The following ZNF710 variants were observed in gnomAD, a reference collection of about 807,000 sequenced individuals.
ZNF710 encodes the protein zinc finger protein 710.
ZNF710 carries 13 observed loss-of-function variants against 50.6 expected under a neutral mutation model. The observed-to-expected ratio is 0.26, with a 90% confidence interval of 0.17 to 0.41. The LOEUF is 0.41. ZNF710 is among the 10% of genes least tolerant of loss of function. ZNF710 has a pLI of 1.00. For missense variants in ZNF710, 721 were observed against 936.6 expected, an observed-to-expected ratio of 0.77 and a Z score of 3.01; for synonymous variants, 383 against 397.0, an observed-to-expected ratio of 0.96 and a Z score of 0.42.
At chr15:90,048,544 G>A (rs1337905762) in intron 1 of ZNF710, among the ~76,000 whole-genome samples, 2 of 152,186 alleles carry the variant, frequency 1.3e-5, no homozygotes, top group African/African-American at 4.8e-5. Context: ...ACGGGGCAGG[G>A]TGGGGGTCCC....
intron 1 of ZNF710, among the ~76,000 whole-genome samples, chr15:90,020,475 G>A (rs1193918252): frequency 2.5e-5 from 3 of 118,628 alleles, no homozygotes; most frequent in Non-Finnish European, 5.5e-5. Flanking sequence ...GTGGAGGCCC[G>A]AACTGCCTCC....
intron 1 of ZNF710, among the ~76,000 whole-genome samples, chr15:90,010,928 G>GTTTTTTTTT (rs11341248): frequency 2.5e-5 from 2 of 79,078 alleles, no homozygotes; most frequent in Admixed American, 1.5e-4. Flanking sequence ...TTGGTTTTTT[G>GTTTTTTTTT]TTTTTTTTTT....
intron 2 of ZNF710, among the ~76,000 whole-genome samples, chr15:90,072,401 T>G (rs1900419350): frequency 6.6e-6 from 1 of 152,200 alleles, no homozygotes; most frequent in Non-Finnish European, 1.5e-5. Context: ...GGATGAGAAC[T>G]ACAGGTGGCT....
chr15:90,065,305 G>A (rs1013372054), intron 1 of ZNF710, among the ~76,000 whole-genome samples: 4 of 152,316 alleles, frequency 2.6e-5, no homozygotes, highest in Non-Finnish European at 4.4e-5. Flanking sequence ...CCGTGGCCCT[G>A]GGAGAGGCTG....
intron 1 of ZNF710, among the ~76,000 whole-genome samples, chr15:90,037,064 A>T (rs572819154): frequency 6.6e-6 from 1 of 152,132 alleles, no homozygotes; most frequent in East Asian, 1.9e-4. Context: ...GGAGGACGGG[A>T]AGTGGGGCTG....
intron 1 of ZNF710, among the ~76,000 whole-genome samples, chr15:90,041,387 C>A (rs1193497037): frequency 6.6e-6 from 1 of 152,090 alleles, no homozygotes; most frequent in Non-Finnish European, 1.5e-5. Flanking sequence ...GGTGAGGTCT[C>A]ACTATATTGC....
intron 1 of ZNF710, among the ~76,000 whole-genome samples, chr15:90,031,403 C>T (rs1228059174): frequency 6.6e-6 from 1 of 152,194 alleles, no homozygotes; most frequent in African/African-American, 2.4e-5. Context: ...GAAGCAGAAT[C>T]TGCATTTTAG....
chr15:90,067,492 C>T lies in ZNF710; in HGVS notation c.355C>T (p.Gln119Ter). The T allele has an allele frequency of 6.2e-7, 1 of 1,613,564 alleles. No individual in the cohort carries two copies. Among genetic ancestry groups the T allele is most frequent in the Non-Finnish European group, 8.5e-7 (1 of 1,179,730 alleles). The part of the protein sequence containing the change: ...VKFEKVEEEE[Q>*]EVYEVSVPGD... Reference sequence around the variant, plus strand: ...GTTCGAGAAGGTGGAGGAGGAGGAACAGGAGGTCTATGAGGTTTCTGTGCC... The same window carrying T: ...GTTCGAGAAGGTGGAGGAGGAGGAATAGGAGGTCTATGAGGTTTCTGTGCC... Residue 119 changes from glutamine to a stop codon, truncating the protein, a stop_gained, in exon 2 of 5, where the codon CAG becomes TAG. Transcript: ENST00000268154. LOFTEE classifies it high-confidence loss of function. The surrounding 1 kb of genome is among the most constrained non-coding windows in gnomAD (Gnocchi z 8.1).
rs1164985028 is a variant in ZNF710, at chr15:90,034,279, A to G, written c.-29+32665A>G. On this transcript the variant is annotated intron_variant, in intron 1 of 4. Transcript: ENST00000268154. This position sits in a 1 kb window ranked among gnomAD's most constrained non-coding sequence, Gnocchi z 4.0. ...GGAGGGGTTCTTCTGCCAGATAGAA[A>G]CAAGATATCACATGCAAGAGGCTCT... 6.6e-6 allele frequency among the ~76,000 whole-genome samples: 1 copy of G among 151,822 alleles called. No individual in the cohort carries two copies. The highest frequency in any genetic ancestry group is 1.5e-5 in the Non-Finnish European group (1 of 67,898).
chr15:90,044,582 T>C (rs958171840), intron 1 of ZNF710, among the ~76,000 whole-genome samples: 5 of 152,198 alleles, frequency 3.3e-5, no homozygotes, highest in African/African-American at 1.2e-4. Flanking sequence ...ATCAGAGGGA[T>C]TTCAAAATGT....
chr15:90,011,710 A>G (rs1410211684), intron 1 of ZNF710, among the ~76,000 whole-genome samples: 2 of 152,106 alleles, frequency 1.3e-5, no homozygotes, highest in African/African-American at 2.4e-5. Flanking sequence ...ATAAGCTTTC[A>G]GTGTCCGTTT....
intron 1 of ZNF710, among the ~76,000 whole-genome samples, chr15:90,036,743 C>G (rs1596280426): frequency 6.6e-6 from 1 of 152,180 alleles, no homozygotes; most frequent in Non-Finnish European, 1.5e-5. Flanking sequence ...ATCCTCTTCA[C>G]ACAGGAACCA....
intron 1 of ZNF710, among the ~76,000 whole-genome samples, chr15:90,061,601 C>T (rs1423720724): frequency 6.6e-6 from 1 of 152,198 alleles, no homozygotes. Flanking sequence ...GGTGTCTTCA[C>T]CCACTCTCTG....
intron 1 of ZNF710, among the ~76,000 whole-genome samples, chr15:90,054,319 G>A (rs1019132688): frequency 6.6e-6 from 1 of 152,138 alleles, no homozygotes; most frequent in African/African-American, 2.4e-5. Context: ...GAAGGCGGAG[G>A]GCTTGGTGCA....
intron 1 of ZNF710, among the ~76,000 whole-genome samples, chr15:90,060,384 C>G (rs1384951457): frequency 1.3e-5 from 2 of 151,826 alleles, no homozygotes; most frequent in African/African-American, 4.8e-5. Context: ...AAGACTCCAC[C>G]TCTACAAAAA....
At chr15:90,056,402 G>T (rs902933788) in intron 1 of ZNF710, among the ~76,000 whole-genome samples, 1 of 152,020 alleles carries the variant, frequency 6.6e-6, no homozygotes, top group Non-Finnish European at 1.5e-5. Flanking sequence ...CAACAAGAGC[G>T]AAACTCCGTC....
chr15:90,013,127 T>G (rs1240468667), intron 1 of ZNF710, among the ~76,000 whole-genome samples: 1 of 152,158 alleles, frequency 6.6e-6, no homozygotes, highest in Non-Finnish European at 1.5e-5. Flanking sequence ...AGATGGAGTT[T>G]CATTCTTGTT....
intron 1 of ZNF710, among the ~76,000 whole-genome samples, chr15:90,052,017 G>A (rs1157997660): frequency 6.6e-6 from 1 of 152,064 alleles, no homozygotes. Flanking sequence ...CAGAGGAAGG[G>A]GCTGTCCTTC....
intron 1 of ZNF710, among the ~76,000 whole-genome samples, chr15:90,050,564 C>A (rs1238264672): frequency 6.6e-6 from 1 of 152,210 alleles, no homozygotes; most frequent in Non-Finnish European, 1.5e-5. Context: ...CCTCATTTGT[C>A]TAACGGGCTC....
Sources: gnomAD v4.1 joint callset for allele counts (sites outside exome capture counted in the v4.1 genomes callset) on GRCh38, gnomAD v4.1.1 for gene constraint, Gnocchi (gnomAD v3.1) non-coding constraint, MANE v1.5 for transcripts, NCBI Gene and HGNC (gene_info 2026-07-23, HGNC 2026-07-21) for gene names.